Variants in SCMH1 observed in about 807,000 individuals in gnomAD.
SCMH1 encodes the protein polycomb protein SCMH1.
SCMH1 carries 37 observed loss-of-function variants against 70.8 expected under a neutral mutation model. That is an observed-to-expected ratio of 0.52 (90% CI 0.40 to 0.69). The LOEUF is 0.69. SCMH1 is among the 30% of genes least tolerant of loss of function. The pLI, the probability that SCMH1 is intolerant of heterozygous loss-of-function variation, is 0.00. For missense variants in SCMH1, 607 were observed against 827.3 expected, an observed-to-expected ratio of 0.73 and a Z score of 3.27; for synonymous variants, 292 against 307.4, an observed-to-expected ratio of 0.95 and a Z score of 0.52.
intron 13 of SCMH1, among the ~76,000 whole-genome samples, chr1:41,034,332 CTT>C (rs112747228): frequency 2.7e-5 from 4 of 145,790 alleles, no homozygotes; most frequent in Non-Finnish European, 1.5e-5. Flanking sequence ...CTTTTCTTTT[CTT>C]TTTTTTTTTT....
At chr1:41,207,183 A>G (rs1383839998) in intron 1 of SCMH1, among the ~76,000 whole-genome samples, 1 of 152,252 alleles carries the variant, frequency 6.6e-6, no homozygotes, top group Non-Finnish European at 1.5e-5. Context: ...AAATTCACAC[A>G]TAACAGTATT....
In SCMH1 at chr1:41,117,030, C is replaced by A. The variant is rs1411941750; in HGVS notation, c.413-20G>T. 2.5e-6 allele frequency: 4 copies of A among 1,596,224 alleles called. No individual in the cohort carries two copies. In the East Asian group the frequency reaches 9.1e-5, roughly 36 times the overall value. ...GAAATCCTGCAGCAAGCATAATGGG[C>A]AACAGATTAAAAGTATGTTTCAAAA... On this transcript the variant is annotated intron_variant, in intron 6 of 14. Coordinates refer to ENST00000337495, the Ensembl canonical transcript of SCMH1.
At chr1:41,029,865 A>C (rs914778819) in intron 13 of SCMH1, among the ~76,000 whole-genome samples, 2 of 152,176 alleles carry the variant, frequency 1.3e-5, no homozygotes, top group African/African-American at 2.4e-5. Flanking sequence ...ATTTTCCCCC[A>C]TCACACCATG....
intron 6 of SCMH1, among the ~76,000 whole-genome samples, chr1:41,117,261 C>T (rs1203932920): frequency 6.6e-6 from 1 of 152,098 alleles, no homozygotes; most frequent in Non-Finnish European, 1.5e-5. Flanking sequence ...GCTCTACAAT[C>T]ATAACCTAGG....
intron 12 of SCMH1, among the ~76,000 whole-genome samples, chr1:41,045,099 C>A (rs1646735330): frequency 1.3e-5 from 2 of 152,226 alleles, no homozygotes; most frequent in South Asian, 2.1e-4. Flanking sequence ...GAATGCCTAA[C>A]TGGAGGTATT....
intron 2 of SCMH1, among the ~76,000 whole-genome samples, chr1:41,169,788 G>T (rs776686448): frequency 6.6e-6 from 1 of 152,106 alleles, no homozygotes; most frequent in African/African-American, 2.4e-5. Flanking sequence ...AAAGTCCAGC[G>T]ATGTGCTTCT....
At chr1:41,140,870 G>A (rs1466055237) in intron 6 of SCMH1, among the ~76,000 whole-genome samples, 4 of 152,170 alleles carry the variant, frequency 2.6e-5, no homozygotes. Flanking sequence ...AACTTGACAA[G>A]TTTCCTTCTG....
At chr1:41,075,532 C>T in intron 8 of SCMH1, 81 bp from the exon 9 acceptor site, 1 of 1,166,782 alleles carries the variant, frequency 8.6e-7, no homozygotes, top group South Asian at 1.4e-5. Context: ...GGACTTGCCA[C>T]TTCTGCTCAG....
rs553518077 is a variant in SCMH1 at position 41,100,651 on chromosome 1, T to C, written c.745+12632A>G. ...CACGATCTCGGCTCACTGCAACCTCTGCCTCCTGGGTTCAAGTTATTCTTC... is the reference window on the plus strand; with the variant it reads ...CACGATCTCGGCTCACTGCAACCTCCGCCTCCTGGGTTCAAGTTATTCTTC... On this transcript the variant is annotated intron_variant, in intron 8 of 14. Coordinates refer to ENST00000337495, the Ensembl canonical transcript of SCMH1. 7.9e-5 allele frequency among the ~76,000 whole-genome samples: 12 copies of C among 151,438 alleles called. No homozygotes were observed. In the South Asian group the frequency reaches 2.5e-3, roughly 32 times the overall value.
At chr1:41,186,887 T>C (rs1650362214) in intron 1 of SCMH1, among the ~76,000 whole-genome samples, 2 of 152,104 alleles carry the variant, frequency 1.3e-5, no homozygotes, top group Non-Finnish European at 2.9e-5. Context: ...CCCAGAACTT[T>C]GAGGATATAA....
At chr1:41,098,180 A>G (rs1457295445) in intron 8 of SCMH1, among the ~76,000 whole-genome samples, 1 of 152,148 alleles carries the variant, frequency 6.6e-6, no homozygotes, top group East Asian at 1.9e-4. Context: ...TTCTATTTTG[A>G]CAACTATTTC....
At chr1:41,169,247 G>A (rs115906273) in intron 2 of SCMH1, among the ~76,000 whole-genome samples, 1 of 152,182 alleles carries the variant, frequency 6.6e-6, no homozygotes, top group Non-Finnish European at 1.5e-5. Context: ...AGAATGAGTA[G>A]CCTTGGATTT....
chr1:41,177,919 T>C (rs1338414968), intron 2 of SCMH1, among the ~76,000 whole-genome samples: 2 of 152,042 alleles, frequency 1.3e-5, no homozygotes, highest in Admixed American at 1.3e-4. Context: ...GAAGAGCAAC[T>C]CCAAGACACA....
chr1:41,194,011 G>A (rs891152342), intron 1 of SCMH1, among the ~76,000 whole-genome samples: 13 of 152,128 alleles, frequency 8.5e-5, no homozygotes, highest in Non-Finnish European at 1.8e-4. Flanking sequence ...TTACAATGTA[G>A]TGGAAAGGTT....
intron 2 of SCMH1, among the ~76,000 whole-genome samples, chr1:41,171,438 T>G (rs1305920610): frequency 6.6e-6 from 1 of 152,088 alleles, no homozygotes; most frequent in African/African-American, 2.4e-5. Context: ...CTCATGGAAT[T>G]AATGATCTTA....
chr1:41,191,030 G>A (rs975956486), intron 1 of SCMH1, among the ~76,000 whole-genome samples: 1 of 152,146 alleles, frequency 6.6e-6, no homozygotes, highest in African/African-American at 2.4e-5. Flanking sequence ...GTGCATCAAT[G>A]CGCCTGGCTA....
intron 1 of SCMH1, among the ~76,000 whole-genome samples, chr1:41,212,414 T>G (rs1207240671): frequency 6.6e-6 from 1 of 152,216 alleles, no homozygotes; most frequent in Non-Finnish European, 1.5e-5. Flanking sequence ...AAAGACATGT[T>G]CTATCTAATT....
intron 10 of SCMH1, among the ~76,000 whole-genome samples, chr1:41,060,567 A>G (rs1208663883): frequency 1.3e-5 from 2 of 152,220 alleles, no homozygotes; most frequent in Non-Finnish European, 2.9e-5. Flanking sequence ...TATAGATCAG[A>G]AACTTCGATC....
intron 6 of SCMH1, among the ~76,000 whole-genome samples, chr1:41,119,556 G>C (rs143492232): frequency 6.6e-6 from 1 of 152,088 alleles, no homozygotes; most frequent in Non-Finnish European, 1.5e-5. Context: ...TGCTGTTTAA[G>C]AGCATCAAAT....
Sources: allele counts gnomAD v4.1 joint callset (sites outside exome capture counted in the v4.1 genomes callset), GRCh38; gene constraint gnomAD v4.1.1; transcripts MANE v1.5; gene names NCBI Gene and HGNC (gene_info 2026-07-23, HGNC 2026-07-21).